The following ESRRB variants were observed in gnomAD, a reference collection of about 807,000 sequenced individuals.
ESRRB encodes steroid hormone receptor ERR2.
Under a neutral mutation model 46.0 loss-of-function variants are expected in ESRRB, and 16 were observed. The ratio of observed to expected loss-of-function variants is 0.35; its 90% CI spans 0.24 to 0.53. The LOEUF is 0.53. Among genes scored for constraint, ESRRB ranks in the 20% least tolerant of loss-of-function variants. The pLI is 0.93. For missense variants in ESRRB, 488 were observed against 607.4 expected, an observed-to-expected ratio of 0.80 and a Z score of 2.07; for synonymous variants, 246 against 259.6, an observed-to-expected ratio of 0.95 and a Z score of 0.50.
Position 76,498,693 on chromosome 14 carries a change from G to A in ESRRB, c.*235G>A, listed in dbSNP as rs1407827055. 2 of 1,431,252 alleles carry A rather than the reference G, an allele frequency of 1.4e-6. No homozygotes were observed. Among genetic ancestry groups the A allele is most frequent in the African/African-American group, 1.4e-5 (1 of 71,460 alleles). The allele number at this position is 1,431,252 out of a possible 1,614,324, so 88.7% of individuals were successfully genotyped here. A position where few individuals can be genotyped will look rare whatever the true frequency, so the allele number is the denominator to read the frequency against. ...TCGACTGTAACTGGCTTTTTCTTTG[G>A]TATGTCTTTCCTTCTCCATGGACGG... is the stretch of plus-strand genomic sequence containing the variant. On this transcript the variant is annotated 3_prime_UTR_variant, in exon 7 of 7. Transcript: ENST00000644823.
At chr14:76,402,031 G>C (rs1885968082) in intron 1 of ESRRB, among the ~76,000 whole-genome samples, 1 of 152,212 alleles carries the variant, frequency 6.6e-6, no homozygotes, top group Admixed American at 6.5e-5. Context: ...CCAAAGGCGG[G>C]AGAAGGCTGA....
At chr14:76,365,726 A>G (rs1434559846) in intron 1 of ESRRB, among the ~76,000 whole-genome samples, 1 of 152,256 alleles carries the variant, frequency 6.6e-6, no homozygotes, top group Non-Finnish European at 1.5e-5. Flanking sequence ...AAGCTTACAT[A>G]TATTATTAAG....
rs868209692 is a variant in ESRRB at position 76,499,334 on chromosome 14, C to G, written c.*876C>G. Reference sequence around the variant, plus strand: ...CTGCCTTCCCCCTCTCCCTGAAGGGCAGGTCCAGGCCAAGTGAGCCTGTGA... The same window carrying G: ...CTGCCTTCCCCCTCTCCCTGAAGGGGAGGTCCAGGCCAAGTGAGCCTGTGA... On this transcript the variant is annotated 3_prime_UTR_variant, in exon 7 of 7. Transcript: ENST00000644823. 3 of 244,126 alleles carry G rather than the reference C, an allele frequency of 1.2e-5. No homozygotes were observed. Among genetic ancestry groups the G allele is most frequent in the Non-Finnish European group, 2.4e-5 (3 of 124,206 alleles). The allele number at this position is 244,126 out of a possible 1,614,324, so 15.1% of individuals were successfully genotyped here.
intron 1 of ESRRB, among the ~76,000 whole-genome samples, chr14:76,388,228 G>T (rs1315382235): frequency 1.3e-5 from 2 of 148,188 alleles, no homozygotes; most frequent in African/African-American, 5.1e-5. Flanking sequence ...GCCCAGGCTG[G>T]AGTGCAGTGG....
upstream of ESRRB, among the ~76,000 whole-genome samples, chr14:76,368,707 T>C (rs1006183049): frequency 6.6e-6 from 1 of 152,156 alleles, no homozygotes; most frequent in Non-Finnish European, 1.5e-5. Flanking sequence ...GTGTTCCCAG[T>C]TGTTTATGAA....
At chr14:76,321,021 C>G (rs1883860342) in intron 1 of ESRRB, among the ~76,000 whole-genome samples, 1 of 152,180 alleles carries the variant, frequency 6.6e-6, no homozygotes. Context: ...CTGGGTCCCT[C>G]TGTGCTTCCT....
chr14:76,482,544 C>A lies in ESRRB; in HGVS notation c.689-54C>A. 1 of 1,607,484 alleles carries A rather than the reference C, an allele frequency of 6.2e-7. No individual in the cohort carries two copies. ...TTCCTGACCCATCTGAGCCTCCACC[C>A]CGGCCCCTTTCCTCTTTTCCCAGCA... is the stretch of plus-strand genomic sequence containing the variant. On this transcript the variant is annotated intron_variant, in intron 4 of 6. Transcript: ENST00000644823. This position sits in a 1 kb window ranked among gnomAD's most constrained non-coding sequence, Gnocchi z 4.3.
chr14:76,314,536 C>T (rs1156812481), intron 1 of ESRRB, among the ~76,000 whole-genome samples: 4 of 152,134 alleles, frequency 2.6e-5, no homozygotes, highest in Non-Finnish European at 5.9e-5. Flanking sequence ...GTGCCGAGGG[C>T]TCAGTCTTCC....
At chr14:76,419,108 A>G (rs550175233) in intron 1 of ESRRB, among the ~76,000 whole-genome samples, 1 of 151,644 alleles carries the variant, frequency 6.6e-6, no homozygotes, top group South Asian at 2.1e-4. Flanking sequence ...TTCGCCTCTC[A>G]GGTTCAAACG....
chr14:76,323,598 C>T (rs1221015184), intron 1 of ESRRB, among the ~76,000 whole-genome samples: 1 of 152,218 alleles, frequency 6.6e-6, no homozygotes, highest in Admixed American at 6.5e-5. Context: ...GTATGAGCCA[C>T]TGCACCTGGT....
intron 3 of ESRRB, among the ~76,000 whole-genome samples, chr14:76,465,771 C>T (rs1216999043): frequency 2.0e-5 from 3 of 152,206 alleles, no homozygotes; most frequent in Admixed American, 6.5e-5. Context: ...GCCACTAGAA[C>T]GCTCCCTCCC....
chr14:76,399,459 C>T (rs1276683921), intron 1 of ESRRB, among the ~76,000 whole-genome samples: 1 of 152,136 alleles, frequency 6.6e-6, no homozygotes, highest in African/African-American at 2.4e-5. Flanking sequence ...CTAGCAATGT[C>T]CCCGCCGCTC....
intron 1 of ESRRB, among the ~76,000 whole-genome samples, chr14:76,422,181 C>T (rs1337031187): frequency 6.6e-6 from 1 of 150,776 alleles, no homozygotes; most frequent in Non-Finnish European, 1.5e-5. Context: ...GGCACGCACA[C>T]GCACAGCCCT....
At chr14:76,415,642 AGAGT>A (rs1249993485) in intron 1 of ESRRB, among the ~76,000 whole-genome samples, 2 of 152,158 alleles carry the variant, frequency 1.3e-5, no homozygotes, top group African/African-American at 2.4e-5. Context: ...ACTGGGCGAA[AGAGT>A]GAGACTCTAT....
intron 1 of ESRRB, among the ~76,000 whole-genome samples, chr14:76,355,172 C>A (rs1260683674): frequency 6.6e-6 from 1 of 152,116 alleles, no homozygotes; most frequent in Non-Finnish European, 1.5e-5. Context: ...GAAGCCGGGG[C>A]CAGGTGGCCA....
chr14:76,354,558 C>T (rs1884355500), intron 1 of ESRRB, among the ~76,000 whole-genome samples: 1 of 151,814 alleles, frequency 6.6e-6, no homozygotes, highest in Non-Finnish European at 1.5e-5. Context: ...AAATGGGAGA[C>T]ACTCTTACCA....
Position 76,499,744 on chromosome 14 carries a change from C to T in ESRRB, c.*1286C>T. ...TGGTTTGTCCAGGACGTTTCTTTAT[C>T]CCAGGAAACTCCTCTACCCCAGGCA... On this transcript the variant is annotated 3_prime_UTR_variant, in exon 7 of 7. Coordinates refer to ENST00000644823, the MANE Select transcript of ESRRB (RefSeq NM_001379180.1). 1.1e-6 allele frequency: 1 copy of T among 879,420 alleles called. No homozygotes were observed. Among genetic ancestry groups the T allele is most frequent in the Non-Finnish European group, 1.9e-6 (1 of 520,538 alleles). 54.5% of individuals were successfully genotyped at this position (879,420 alleles called of 1,614,324 possible). A position where few individuals can be genotyped will look rare whatever the true frequency, so the allele number is the denominator to read the frequency against.
At chr14:76,417,492 C>T (rs534190146) in intron 1 of ESRRB, among the ~76,000 whole-genome samples, 3 of 152,228 alleles carry the variant, frequency 2.0e-5, no homozygotes, top group Admixed American at 2.0e-4. Context: ...ACAATTCAAC[C>T]CAGTGGATGT....
At chr14:76,462,187 T>C (rs1888894418) in intron 2 of ESRRB, among the ~76,000 whole-genome samples, 1 of 146,072 alleles carries the variant, frequency 6.8e-6, no homozygotes, top group Non-Finnish European at 1.5e-5. Context: ...GTGGTGGTGG[T>C]AGTGGTGGTC....
Sources: allele counts gnomAD v4.1 joint callset (sites outside exome capture counted in the v4.1 genomes callset), GRCh38; gene constraint gnomAD v4.1.1; non-coding constraint Gnocchi (gnomAD v3.1); transcripts MANE v1.5; gene names NCBI Gene and HGNC (gene_info 2026-07-23, HGNC 2026-07-21).